Variants in PCDH9 observed in about 807,000 individuals in gnomAD.
PCDH9 encodes the protein protocadherin 9, also known as protocadherin-9.
In PCDH9, 24 loss-of-function variants were observed where a neutral mutation model predicts 70.6. The observed-to-expected ratio is 0.34, with a 90% CI of 0.25 to 0.48. The LOEUF (loss-of-function observed/expected upper bound fraction) is 0.48, where lower values mean the gene tolerates loss of function less well. PCDH9 is among the 20% of genes least tolerant of loss of function. PCDH9 has a pLI of 0.99. For missense variants in PCDH9, 1,281 were observed against 1,503.6 expected (o/e 0.85, Z 2.45); for synonymous variants, 562 against 558.5 (o/e 1.01, Z -0.09).
chr13:66,871,260 G>A (rs990386433), intron 3 of PCDH9, among the ~76,000 whole-genome samples: 2 of 151,254 alleles, frequency 1.3e-5, no homozygotes, highest in African/African-American at 4.9e-5. Flanking sequence ...ATGGGGGAGG[G>A]ATAGCATTAG....
chr13:67,165,330 C>T (rs2088081592), intron 2 of PCDH9, among the ~76,000 whole-genome samples: 1 of 151,906 alleles, frequency 6.6e-6, no homozygotes, highest in African/African-American at 2.4e-5. Flanking sequence ...AACATTTATC[C>T]ACATATTAAT....
intron 2 of PCDH9, among the ~76,000 whole-genome samples, chr13:67,036,786 C>T (rs973327637): frequency 6.6e-6 from 1 of 152,078 alleles, no homozygotes; most frequent in Non-Finnish European, 1.5e-5. Flanking sequence ...CATAACAATG[C>T]GAGGCACCAG....
chr13:67,131,544 T>C (rs1210742294), intron 2 of PCDH9, among the ~76,000 whole-genome samples: 2 of 152,174 alleles, frequency 1.3e-5, no homozygotes, highest in Admixed American at 1.3e-4. Flanking sequence ...TTACAATTTG[T>C]TGCTTCTAAA....
intron 2 of PCDH9, among the ~76,000 whole-genome samples, chr13:67,186,525 A>AGGTTC (rs1425991978): frequency 1.3e-5 from 2 of 152,150 alleles, no homozygotes; most frequent in Non-Finnish European, 2.9e-5. Context: ...AGCTAATGCA[A>AGGTTC]ATGCTTCTGG....
intron 2 of PCDH9, among the ~76,000 whole-genome samples, chr13:67,065,173 T>A (rs2085622439): frequency 6.6e-6 from 1 of 152,126 alleles, no homozygotes; most frequent in African/African-American, 2.4e-5. Context: ...ATGCATTCCA[T>A]CATTCTTTTA....
intron 3 of PCDH9, among the ~76,000 whole-genome samples, chr13:66,813,884 A>G (rs955802376): frequency 3.3e-5 from 5 of 152,206 alleles, no homozygotes; most frequent in African/African-American, 1.2e-4. Context: ...AAAAAAAATC[A>G]GAGGTCAAGT....
At chr13:67,143,576 T>TAA (rs1406060286) in intron 2 of PCDH9, among the ~76,000 whole-genome samples, 1 of 151,736 alleles carries the variant, frequency 6.6e-6, no homozygotes, top group Non-Finnish European at 1.5e-5. Context: ...CTAGCCAAAA[T>TAA]AATAATAATA....
At chr13:66,429,058 ACATG>A (rs1297785841) in intron 4 of PCDH9, among the ~76,000 whole-genome samples, 1 of 151,856 alleles carries the variant, frequency 6.6e-6, no homozygotes, top group Non-Finnish European at 1.5e-5. Flanking sequence ...TAGTTCTAGC[ACATG>A]CAGTTTTATA....
chr13:67,133,317 T>C lies in PCDH9; in HGVS notation c.3036+92088A>G, dbSNP rs1323588538. Among the ~76,000 whole-genome samples the C allele has an allele frequency of 2.0e-5, 3 of 152,056 alleles. No individual in the cohort carries two copies. In the South Asian group the frequency reaches 6.2e-4, roughly 31 times the overall value. ...ACAGGATAGAAATAGGGACAACCGATAAAAATAACAAAGAAGATTTTAGCT... is the reference window on the plus strand; with the variant it reads ...ACAGGATAGAAATAGGGACAACCGACAAAAATAACAAAGAAGATTTTAGCT... On this transcript the variant is annotated intron_variant, in intron 2 of 4. Transcript: ENST00000377865.
chr13:67,091,336 G>A (rs1046334644), intron 2 of PCDH9, among the ~76,000 whole-genome samples: 2 of 152,012 alleles, frequency 1.3e-5, no homozygotes, highest in Admixed American at 1.3e-4. Flanking sequence ...AATGCAAGAG[G>A]TGAAGCTAAT....
intron 3 of PCDH9, among the ~76,000 whole-genome samples, chr13:66,689,089 T>A (rs1259034665): frequency 6.6e-6 from 1 of 152,188 alleles, no homozygotes; most frequent in Non-Finnish European, 1.5e-5. Context: ...CACAAATGTA[T>A]GTATCTAGCC....
At position 66,815,735 on chromosome 13, in the gene PCDH9, G is replaced by A. The variant is rs370168563; in HGVS notation, c.3138+87769C>T. Among the ~76,000 whole-genome samples, 8 of 152,194 alleles carry A rather than the reference G, an allele frequency of 5.3e-5. 1 individual carries two copies. Among genetic ancestry groups the A allele is most frequent in the African/African-American group, 1.9e-4 (8 of 41,544 alleles). On this transcript the variant is annotated intron_variant, in intron 3 of 4. Coordinates refer to ENST00000377865, the MANE Select transcript of PCDH9 (RefSeq NM_203487.3). ...GGACTACATATGGACACAAAGAAGA[G>A]AAAAATAGACACCAGGGCCTACTTG...
At chr13:66,766,879 G>T (rs976254937) in intron 3 of PCDH9, among the ~76,000 whole-genome samples, 1 of 151,902 alleles carries the variant, frequency 6.6e-6, no homozygotes, top group Non-Finnish European at 1.5e-5. Flanking sequence ...CTGTAACATG[G>T]TGTTAGAGTA....
At chr13:67,028,976 T>C (rs2084849450) in intron 2 of PCDH9, among the ~76,000 whole-genome samples, 1 of 152,174 alleles carries the variant, frequency 6.6e-6, no homozygotes, top group Non-Finnish European at 1.5e-5. Context: ...CGTCTAAAAA[T>C]AGCCTATGCA....
At chr13:66,669,711 C>T (rs115141186) in intron 3 of PCDH9, among the ~76,000 whole-genome samples, 3,780 of 152,158 alleles carry the variant, frequency 0.025, 138 homozygotes, top group African/African-American at 0.078. Flanking sequence ...TACACCTATA[C>T]TAAAGGAACA....
intron 2 of PCDH9, among the ~76,000 whole-genome samples, chr13:67,194,368 CTT>C (rs34743461): frequency 1.9e-4 from 28 of 147,662 alleles, no homozygotes; most frequent in South Asian, 1.7e-3. Context: ...TAACTTTTAT[CTT>C]TTTTTTTTTG....
intron 3 of PCDH9, among the ~76,000 whole-genome samples, chr13:66,682,381 TATCTATCTATCTATCTATC>T (rs1172808153): frequency 4.0e-4 from 42 of 105,116 alleles, no homozygotes; most frequent in African/African-American, 1.0e-3. Flanking sequence ...TCTATCTATC[TATCTATCTATCTATCTATC>T]ATCTATCATC....
chr13:66,887,719 A>C (rs2082030766), intron 3 of PCDH9, among the ~76,000 whole-genome samples: 1 of 152,216 alleles, frequency 6.6e-6, no homozygotes, highest in Non-Finnish European at 1.5e-5. Flanking sequence ...TCTTCCATTC[A>C]TATCTTTATT....
At chr13:66,769,336 C>T (rs1453510402) in intron 3 of PCDH9, among the ~76,000 whole-genome samples, 1 of 152,126 alleles carries the variant, frequency 6.6e-6, no homozygotes, top group Non-Finnish European at 1.5e-5. Flanking sequence ...TTACACCCAT[C>T]ATAAACTGCT....
Sources: allele counts gnomAD v4.1 joint callset (sites outside exome capture counted in the v4.1 genomes callset), GRCh38; gene constraint gnomAD v4.1.1; transcripts MANE v1.5; gene names NCBI Gene and HGNC (gene_info 2026-07-23, HGNC 2026-07-21).